Variants in ADSL observed in about 807,000 individuals in gnomAD.
ADSL encodes the protein adenylosuccinate lyase.
ADSL carries 44 observed loss-of-function variants against 62.1 expected under a neutral mutation model. The observed-to-expected ratio is 0.71, with a 90% CI of 0.56 to 0.91. ADSL has a LOEUF of 0.91. Among genes scored for constraint, ADSL ranks in the 40% least tolerant of loss-of-function variants. The probability of loss-of-function intolerance (pLI) is 0.00; values close to 1 mark genes in which losing one functional copy is unlikely to be tolerated. For missense variants in ADSL, 531 were observed against 627.4 expected, an observed-to-expected ratio of 0.85 and a Z score of 1.64; for synonymous variants, 198 against 220.5, an observed-to-expected ratio of 0.90 and a Z score of 0.90.
chr22:40,356,995 A>C (rs1013429908), intron 4 of ADSL, among the ~76,000 whole-genome samples: 8 of 152,104 alleles, frequency 5.3e-5, no homozygotes, highest in African/African-American at 1.2e-4. Context: ...TCCCGGATTC[A>C]AGTGATTCTC....
intron 2 of ADSL, among the ~76,000 whole-genome samples, chr22:40,352,510 A>G (rs1373468003): frequency 1.3e-5 from 2 of 152,204 alleles, no homozygotes; most frequent in Non-Finnish European, 2.9e-5. Flanking sequence ...CCTGGGCGAC[A>G]GAGCGAGACT....
chr22:40,365,607 C>T (rs915948833), intron 12 of ADSL, among the ~76,000 whole-genome samples: 1 of 152,142 alleles, frequency 6.6e-6, no homozygotes, highest in African/African-American at 2.4e-5. Context: ...CAGTGGCTCA[C>T]ACCAGTAATC....
At chr22:40,363,230 G>A (rs1020778931) in intron 10 of ADSL, 159 bp downstream of exon 10, 17 of 699,882 alleles carry the variant, frequency 2.4e-5, no homozygotes, top group Non-Finnish European at 2.3e-5. Flanking sequence ...AACTAGCTCT[G>A]TGGAATTCAT....
In ADSL at chr22:40,366,546, A is replaced by C; in HGVS notation, c.*24A>C. On this transcript the variant is annotated 3_prime_UTR_variant, in exon 13 of 13. Transcript: ENST00000623063. Reference sequence around the variant, plus strand: ...AGAGTTGGAAGAGAATTAAACGAAAATCATTGTTAATTGCTGAGGCATGAA... The same window carrying C: ...AGAGTTGGAAGAGAATTAAACGAAACTCATTGTTAATTGCTGAGGCATGAA... 6.6e-7 allele frequency: 1 copy of C among 1,521,572 alleles called. No individual in the cohort carries two copies. The highest frequency in any genetic ancestry group is 9.1e-7 in the Non-Finnish European group (1 of 1,095,692). 94.3% of individuals were successfully genotyped at this position (1,521,572 alleles called of 1,614,324 possible). A position where few individuals can be genotyped will look rare whatever the true frequency, so the allele number is the denominator to read the frequency against.
At position 40,368,878 on chromosome 22, in the gene ADSL, C is replaced by G. The variant is rs2045086780; in HGVS notation, c.*2356C>G. The G allele has an allele frequency of 6.6e-6, 1 of 152,304 alleles. No individual in the cohort carries two copies. Among genetic ancestry groups the G allele is most frequent in the South Asian group, 2.1e-4 (1 of 4,830 alleles). The allele number at this position is 152,304 out of a possible 1,614,324, so 9.4% of individuals were successfully genotyped here. A position where few individuals can be genotyped will look rare whatever the true frequency, so the allele number is the denominator to read the frequency against. On this transcript the variant is annotated 3_prime_UTR_variant, in exon 13 of 13. Coordinates refer to ENST00000623063, the MANE Select transcript of ADSL (RefSeq NM_000026.4). Reference sequence around the variant, plus strand: ...GGCAGAAGTTGCAGTGAGCCAAGATCATGCCACTGTACTCCAGCCTGGGCA... The same window carrying G: ...GGCAGAAGTTGCAGTGAGCCAAGATGATGCCACTGTACTCCAGCCTGGGCA...
chr22:40,348,424 C>T (rs564756784), intron 1 of ADSL: 3 of 398,412 alleles, frequency 7.5e-6, no homozygotes, highest in African/African-American at 2.1e-5. Context: ...GGCTCTGTCG[C>T]CTAGGCTGGA....
chr22:40,379,109 G>A (rs903275337), intron 2 of ADSL, among the ~76,000 whole-genome samples: 4 of 152,206 alleles, frequency 2.6e-5, no homozygotes, highest in Non-Finnish European at 4.4e-5. Flanking sequence ...CTGACATACA[G>A]TGTGGTCTCT....
intron 2 of ADSL, among the ~76,000 whole-genome samples, chr22:40,377,138 T>A (rs1378911283): frequency 1.3e-5 from 2 of 152,206 alleles, no homozygotes; most frequent in African/African-American, 2.4e-5. Context: ...CAGCATCCAA[T>A]CCAGGTTCTT....
Position 40,366,548 on chromosome 22 carries a change from CATT to C in ADSL, c.*27_*29del. 1 of 1,521,938 alleles carries C rather than the reference CATT, an allele frequency of 6.6e-7. No individual in the cohort carries two copies. Among genetic ancestry groups the C allele is most frequent in the Non-Finnish European group, 9.1e-7 (1 of 1,096,046 alleles). 94.3% of individuals were successfully genotyped at this position (1,521,938 alleles called of 1,614,324 possible). ...AGTTGGAAGAGAATTAAACGAAAAT[CATT>C]GTTAATTGCTGAGGCATGAAAATTG... On this transcript the variant is annotated 3_prime_UTR_variant, in exon 13 of 13. Transcript: ENST00000623063.
chr22:40,381,233 C>T (rs2047519066), intron 2 of ADSL, among the ~76,000 whole-genome samples: 1 of 151,928 alleles, frequency 6.6e-6, no homozygotes, highest in Non-Finnish European at 1.5e-5. Flanking sequence ...TTGCAACCTC[C>T]ACCTCCAGGG....
chr22:40,359,366 A>C, intron 6 of ADSL, 60 bp downstream of exon 6: 1 of 1,533,832 alleles, frequency 6.5e-7, no homozygotes, highest in Non-Finnish European at 9.0e-7. Context: ...TATATTCAGT[A>C]TACCTGCAGA....
downstream of ADSL, chr22:40,370,612 CG>C (rs879786664): frequency 1.3e-5 from 2 of 152,602 alleles, no homozygotes; most frequent in Non-Finnish European, 2.9e-5. Flanking sequence ...GCTTAGGCGC[CG>C]CTGAGCGCTG....
At chr22:40,361,435 T>C (rs2044784857) in intron 8 of ADSL, 53 bp from the exon 9 acceptor site, 2 of 1,613,776 alleles carry the variant, frequency 1.2e-6, no homozygotes, top group Non-Finnish European at 1.7e-6. Flanking sequence ...GCCTACTCAC[T>C]ATCCTCTGAA....
chr22:40,370,987 G>T (rs1240171303), downstream of ADSL, among the ~76,000 whole-genome samples: 1 of 152,248 alleles, frequency 6.6e-6, no homozygotes, highest in Non-Finnish European at 1.5e-5. Context: ...AATCCACCGC[G>T]CTGGCAGCCG....
chr22:40,384,576 C>A (rs939262541), intron 2 of ADSL, among the ~76,000 whole-genome samples: 1 of 152,116 alleles, frequency 6.6e-6, no homozygotes, highest in Admixed American at 6.5e-5. Flanking sequence ...GTCAGGAGAT[C>A]GAGACCATCC....
intron 1 of ADSL, among the ~76,000 whole-genome samples, 166 bp from the exon 2 acceptor site, chr22:40,349,666 C>A: frequency 6.6e-6 from 1 of 152,172 alleles, no homozygotes. Flanking sequence ...CTCGACCCCA[C>A]TACCCCTGGC....
downstream of ADSL, chr22:40,369,395 C>CAT (rs919124388): frequency 2.0e-5 from 3 of 147,794 alleles, no homozygotes; most frequent in Non-Finnish European, 4.4e-5. Context: ...CACTGGAAAA[C>CAT]ATATATATAT....
chr22:40,374,551 C>T (rs1055448848), intron 2 of ADSL, among the ~76,000 whole-genome samples: 2 of 152,170 alleles, frequency 1.3e-5, no homozygotes, highest in African/African-American at 2.4e-5. Flanking sequence ...ACCACCTCAC[C>T]CCCATCTCCT....
chr22:40,353,215 T>C, intron 3 of ADSL, 98 bp downstream of exon 3: 2 of 940,334 alleles, frequency 2.1e-6, no homozygotes, highest in African/African-American at 1.6e-5. Context: ...AATTTTTACA[T>C]AGACTATCAT....
Sources: gnomAD v4.1 joint callset for allele counts (sites outside exome capture counted in the v4.1 genomes callset) on GRCh38, gnomAD v4.1.1 for gene constraint, MANE v1.5 for transcripts, NCBI Gene and HGNC (gene_info 2026-07-23, HGNC 2026-07-21) for gene names.